Variants in FAM222A observed in about 807,000 individuals in gnomAD.
The protein encoded by FAM222A is family with sequence similarity 222 member A.
A neutral mutation model predicts 25.8 loss-of-function variants in FAM222A; 7 were observed. That is an observed-to-expected ratio of 0.27 (90% CI 0.15 to 0.51). FAM222A has a LOEUF of 0.51. FAM222A is among the 20% of genes least tolerant of loss of function. The pLI is 0.97. For synonymous variants in FAM222A, 294 were observed against 298.8 expected (o/e 0.98, Z 0.17); for missense variants, 573 against 640.5 (o/e 0.89, Z 1.14).
chr12:109,743,163 G>A (rs1483634956), intron 1 of FAM222A, among the ~76,000 whole-genome samples: 1 of 152,142 alleles, frequency 6.6e-6, no homozygotes, highest in African/African-American at 2.4e-5. Context: ...TAGCAAGAAG[G>A]GAGGAAGGGA....
intron 1 of FAM222A, among the ~76,000 whole-genome samples, chr12:109,725,285 C>G (rs539753143): frequency 1.3e-5 from 2 of 152,260 alleles, no homozygotes; most frequent in South Asian, 4.1e-4. Flanking sequence ...CTCACCAGAC[C>G]TTGCGCAGTG....
intron 2 of FAM222A, among the ~76,000 whole-genome samples, chr12:109,753,591 C>G (rs1360989571): frequency 6.6e-6 from 1 of 152,052 alleles, no homozygotes; most frequent in African/African-American, 2.4e-5. Flanking sequence ...AATATCCATA[C>G]CCACAAGGGG....
intron 2 of FAM222A, among the ~76,000 whole-genome samples, chr12:109,758,218 G>T (rs1184744400): frequency 6.6e-6 from 1 of 152,198 alleles, no homozygotes; most frequent in Non-Finnish European, 1.5e-5. Flanking sequence ...TAGCTTGCGT[G>T]TGTGCACATG....
At chr12:109,740,012 C>G (rs954053963) in intron 1 of FAM222A, among the ~76,000 whole-genome samples, 6 of 152,192 alleles carry the variant, frequency 3.9e-5, no homozygotes, top group African/African-American at 1.4e-4. Context: ...CTGACGCCCC[C>G]TGCAGCCAGA....
rs372460311 is a variant in FAM222A, at chr12:109,748,421, T to C, written c.82+4193T>C. 2.0e-5 allele frequency among the ~76,000 whole-genome samples: 3 copies of C among 151,652 alleles called. No individual in the cohort carries two copies. The South Asian group carries it at 6.2e-4, about 32-fold the overall frequency. ...ATGAAGAAAATAGAGGCTTTCCTTC[T>C]TTCTCTTTGAACAGTTTAAATAGAC... On this transcript the variant is annotated intron_variant, in intron 2 of 2. Coordinates refer to ENST00000538780, the MANE Select transcript of FAM222A (RefSeq NM_032829.3).
In FAM222A at chr12:109,769,040, G is replaced by A. The variant is rs1592805230; in HGVS notation, c.1111G>A (p.Glu371Lys). 1 of 1,586,132 alleles carries A rather than the reference G, an allele frequency of 6.3e-7. No individual in the cohort carries two copies. The highest frequency in any genetic ancestry group is 8.6e-7 in the Non-Finnish European group (1 of 1,167,696). Residue 371 changes from glutamate to lysine, a missense_variant, in exon 3 of 3, where the codon GAG (glutamate) becomes AAG (lysine). Physicochemically the swap from Glu to Lys is moderately conservative, Grantham distance 56. This residue lies in a region of FAM222A where 412 missense variants were observed against 407.0 expected (regional missense o/e 1.01). Coordinates refer to ENST00000538780, the MANE Select transcript of FAM222A (RefSeq NM_032829.3). ...YNPAAAVVVTELGPGAARELA... is the reference protein window; with the variant it reads ...YNPAAAVVVTKLGPGAARELA... ...CCCAGCGGCGGCGGTGGTGGTCACG[G>A]AGCTGGGGCCGGGGGCAGCCCGGGA... is the stretch of plus-strand genomic sequence containing the variant.
chr12:109,717,541 G>A (rs1027717332), intron 1 of FAM222A, among the ~76,000 whole-genome samples: 1 of 152,204 alleles, frequency 6.6e-6, no homozygotes, highest in African/African-American at 2.4e-5. Context: ...ACTGTTCTGG[G>A]TGGCCGGAGT....
chr12:109,753,716 G>A (rs12315952), intron 2 of FAM222A, among the ~76,000 whole-genome samples: 20,804 of 94,396 alleles, frequency 0.22, 1,468 homozygotes, highest in East Asian at 0.38. Flanking sequence ...CCCCACCCCC[G>A]CCCTACAGAC....
intron 1 of FAM222A, among the ~76,000 whole-genome samples, chr12:109,732,504 C>T (rs1202380545): frequency 2.0e-5 from 3 of 152,238 alleles, no homozygotes; most frequent in South Asian, 2.1e-4. Context: ...GCGGAGCAGC[C>T]GTTGTTCTGC....
chr12:109,766,901 CTTTT>C (rs1306410568), intron 2 of FAM222A, among the ~76,000 whole-genome samples: 37 of 152,044 alleles, frequency 2.4e-4, no homozygotes, highest in African/African-American at 8.4e-4. Flanking sequence ...TATTTATTTA[CTTTT>C]ATTTTTTTGA....
At chr12:109,744,602 C>G (rs557328421) in intron 2 of FAM222A, 1 of 985,402 alleles carries the variant, frequency 1.0e-6, no homozygotes, top group East Asian at 1.1e-4. Context: ...AGAATGGGGT[C>G]CCCGCTTGAG....
chr12:109,735,342 C>T (rs1317417882), intron 1 of FAM222A, among the ~76,000 whole-genome samples: 1 of 152,248 alleles, frequency 6.6e-6, no homozygotes, highest in African/African-American at 2.4e-5. Context: ...TCTCTGTTTC[C>T]TCGTGGGTAC....
chr12:109,762,039 G>T (rs1021408767), intron 2 of FAM222A, among the ~76,000 whole-genome samples: 2 of 152,000 alleles, frequency 1.3e-5, no homozygotes, highest in Non-Finnish European at 2.9e-5. Context: ...CATCCACATG[G>T]CTCCTTTGCC....
intron 2 of FAM222A, among the ~76,000 whole-genome samples, chr12:109,763,853 G>C (rs1475733375): frequency 6.6e-6 from 1 of 152,132 alleles, no homozygotes; most frequent in East Asian, 1.9e-4. Flanking sequence ...TAACTTGTCT[G>C]TTTCCTCATC....
intron 1 of FAM222A, among the ~76,000 whole-genome samples, chr12:109,720,802 G>A (rs1887733402): frequency 6.6e-6 from 1 of 152,198 alleles, no homozygotes; most frequent in African/African-American, 2.4e-5. Flanking sequence ...CCCAACAAGT[G>A]CATGTGGGTT....
chr12:109,720,052 G>A (rs1007572254), intron 1 of FAM222A: 18 of 976,424 alleles, frequency 1.8e-5, no homozygotes, highest in South Asian at 9.5e-5. Flanking sequence ...TGTGGGTGGG[G>A]TGAGCTTGCA....
intron 1 of FAM222A, among the ~76,000 whole-genome samples, chr12:109,737,246 G>T (rs1464739176): frequency 1.3e-5 from 2 of 152,072 alleles, no homozygotes; most frequent in Non-Finnish European, 2.9e-5. Flanking sequence ...GTGTGCAGGT[G>T]AGAGTCTTGT....
intron 2 of FAM222A, 135 bp downstream of exon 2, chr12:109,744,363 G>A (rs921348696): frequency 9.1e-6 from 13 of 1,424,022 alleles, no homozygotes; most frequent in East Asian, 5.1e-5. Context: ...CCTTGGCCCC[G>A]GCTGTGCTGC....
At chr12:109,719,686 C>T (rs931214555) in intron 1 of FAM222A, among the ~76,000 whole-genome samples, 4 of 151,918 alleles carry the variant, frequency 2.6e-5, no homozygotes, top group African/African-American at 7.3e-5. Flanking sequence ...GTGTCTCTGG[C>T]AGAGGGAGTT....
Sources: gnomAD v4.1 joint callset for allele counts (sites outside exome capture counted in the v4.1 genomes callset) on GRCh38, gnomAD v4.1.1 for gene constraint, gnomAD v4.1.1 regional missense constraint, MANE v1.5 for transcripts, NCBI Gene and HGNC (gene_info 2026-07-23, HGNC 2026-07-21) for gene names.